FBXW4: variants seen among roughly 807,000 people sequenced by gnomAD.
FBXW4 encodes the protein F-box and WD repeat domain containing 4.
FBXW4 carries 40 observed loss-of-function variants against 61.8 expected under a neutral mutation model. The observed-to-expected ratio is 0.65, with a 90% CI of 0.50 to 0.84. The LOEUF (loss-of-function observed/expected upper bound fraction) is 0.84, where lower values mean the gene tolerates loss of function less well. Ranked by LOEUF, FBXW4 falls within the 40% of genes least tolerant of loss-of-function variation. The pLI, the probability that FBXW4 is intolerant of heterozygous loss-of-function variation, is 0.00. For synonymous variants in FBXW4, 311 were observed against 313.8 expected, an observed-to-expected ratio of 0.99 and a Z score of 0.10; for missense variants, 672 against 753.8, an observed-to-expected ratio of 0.89 and a Z score of 1.27.
chr10:101,646,849 A>G (rs1467717518), intron 5 of FBXW4, among the ~76,000 whole-genome samples: 1 of 152,258 alleles, frequency 6.6e-6, no homozygotes, highest in East Asian at 1.9e-4. Flanking sequence ...GACTTAGATC[A>G]TAAATAGCCT....
Position 101,611,677 on chromosome 10 carries a change from T to A in FBXW4, c.1535A>T (p.Tyr512Phe), listed in dbSNP as rs776370078. The part of the protein sequence containing the change: ...GNHLLATGSS[Y>F]YGVVRLWDRR... ...GTCCCACAGCCGTACAACACCGTAGTAGGAGGAACCTGTGGCCAGCAGGTG... is the reference window on the plus strand; with the variant it reads ...GTCCCACAGCCGTACAACACCGTAGAAGGAGGAACCTGTGGCCAGCAGGTG... Residue 512 changes from tyrosine to phenylalanine, a missense_variant, in exon 8 of 9, where the codon TAC becomes TTC. Coordinates refer to ENST00000331272, the MANE Select transcript of FBXW4 (RefSeq NM_022039.4). This position sits in a 1 kb window ranked among gnomAD's most constrained non-coding sequence, Gnocchi z 4.9. 3.1e-6 allele frequency: 5 copies of A among 1,614,196 alleles called. No homozygotes were observed. In the Admixed American group the frequency reaches 6.7e-5, roughly 22 times the overall value.
chr10:101,682,011 AT>A (rs2064483076), intron 1 of FBXW4, among the ~76,000 whole-genome samples: 1 of 152,090 alleles, frequency 6.6e-6, no homozygotes, highest in Non-Finnish European at 1.5e-5. Flanking sequence ...TAAGGATAAT[AT>A]TTCACACAAT....
At chr10:101,685,557 T>C (rs1008291003) in intron 1 of FBXW4, among the ~76,000 whole-genome samples, 3 of 152,212 alleles carry the variant, frequency 2.0e-5, no homozygotes, top group African/African-American at 4.8e-5. Flanking sequence ...GAGGAACATA[T>C]ATGAACTTTA....
At chr10:101,668,055 T>C (rs1382616669) in intron 4 of FBXW4, 75 bp from the exon 5 acceptor site, 5 of 1,150,576 alleles carry the variant, frequency 4.3e-6, no homozygotes, top group Non-Finnish European at 5.3e-6. Flanking sequence ...CCGGGAGAGG[T>C]GACTGTTGGA....
Position 101,694,758 on chromosome 10 carries a change from C to G in FBXW4, c.348G>C (p.Glu116Asp), listed in dbSNP as rs191941567. 1.2e-4 allele frequency: 159 copies of G among 1,357,490 alleles called. 4 individuals are homozygous for G. In the Admixed American group the frequency reaches 6.0e-3, roughly 52 times the overall value. The allele number at this position is 1,357,490 out of a possible 1,614,324, so 84.1% of individuals were successfully genotyped here. Residue 116 changes from glutamate (E) to aspartate (D), a missense_variant, in exon 1 of 9, where the codon GAG (glutamate) becomes GAC (aspartate). By Grantham distance (45) the Glu-to-Asp change is conservative. Around this residue, in one of 5 missense-constraint regions of FBXW4, gnomAD observed 311 missense variants for 301.1 expected, o/e 1.03. Coordinates refer to ENST00000331272, the MANE Select transcript of FBXW4 (RefSeq NM_022039.4). This position sits in a 1 kb window ranked among gnomAD's most constrained non-coding sequence, Gnocchi z 6.0. Reference protein sequence around the residue: ...AGAGKEAQGREYGKKEEWRVR... With the variant: ...AGAGKEAQGRDYGKKEEWRVR... Reference sequence around the variant, plus strand: ...CCCTCCATTCCTCCTTCTTCCCATACTCTCTTCCTTGTGCCTCCTTCCCGG... The same window carrying G: ...CCCTCCATTCCTCCTTCTTCCCATAGTCTCTTCCTTGTGCCTCCTTCCCGG...
At chr10:101,650,186 G>A (rs2064134404) in intron 5 of FBXW4, among the ~76,000 whole-genome samples, 2 of 152,296 alleles carry the variant, frequency 1.3e-5, no homozygotes, top group Non-Finnish European at 2.9e-5. Context: ...TTGGTCCTTG[G>A]TGGCTCTACC....
chr10:101,692,390 T>G (rs2064615609), intron 1 of FBXW4, among the ~76,000 whole-genome samples: 1 of 151,774 alleles, frequency 6.6e-6, no homozygotes, highest in Non-Finnish European at 1.5e-5. Context: ...TTAACAAAGT[T>G]GTAGACAACA....
chr10:101,682,710 T>TCATAGCAC (rs2064490879), intron 1 of FBXW4, among the ~76,000 whole-genome samples: 1 of 152,154 alleles, frequency 6.6e-6, no homozygotes, highest in South Asian at 2.1e-4. Flanking sequence ...GAGGGTTTGA[T>TCATAGCAC]CATAGCACCA....
chr10:101,653,538 C>T (rs1361894961), intron 5 of FBXW4, among the ~76,000 whole-genome samples: 1 of 152,180 alleles, frequency 6.6e-6, no homozygotes, highest in East Asian at 1.9e-4. Context: ...TTGAAGTTCC[C>T]TTATGCAATT....
chr10:101,651,972 C>T (rs1288464982), intron 5 of FBXW4, among the ~76,000 whole-genome samples: 1 of 152,056 alleles, frequency 6.6e-6, no homozygotes, highest in Non-Finnish European at 1.5e-5. Flanking sequence ...TTGACCTGCA[C>T]CTAATCAAAG....
chr10:101,651,018 G>A (rs2064141297), intron 5 of FBXW4, among the ~76,000 whole-genome samples: 1 of 152,216 alleles, frequency 6.6e-6, no homozygotes, highest in African/African-American at 2.4e-5. Flanking sequence ...TTTTCACGGG[G>A]AAGATGCCTC....
intron 6 of FBXW4, among the ~76,000 whole-genome samples, chr10:101,616,683 G>A (rs1452459610): frequency 1.3e-5 from 2 of 152,232 alleles, no homozygotes; most frequent in Non-Finnish European, 2.9e-5. Context: ...TGTTTTGGCG[G>A]CAGCTGGCAA....
intron 5 of FBXW4, among the ~76,000 whole-genome samples, chr10:101,629,018 G>A (rs1220097423): frequency 1.3e-5 from 2 of 152,206 alleles, no homozygotes; most frequent in Non-Finnish European, 2.9e-5. Flanking sequence ...CTCACCAGAG[G>A]AAGATGCCAG....
At chr10:101,625,708 G>A (rs988603102) in intron 5 of FBXW4, 1 of 152,296 alleles carries the variant, frequency 6.6e-6, no homozygotes, top group African/African-American at 2.4e-5. Context: ...TGGTAGGGTG[G>A]AGAGGGGAAG....
chr10:101,645,331 T>C (rs755456772), intron 5 of FBXW4, among the ~76,000 whole-genome samples: 3 of 152,304 alleles, frequency 2.0e-5, no homozygotes, highest in Admixed American at 6.5e-5. Flanking sequence ...GAGAGGCCCA[T>C]GAAGATTCAT....
chr10:101,687,678 A>G (rs901890203), intron 1 of FBXW4, among the ~76,000 whole-genome samples: 2 of 152,132 alleles, frequency 1.3e-5, no homozygotes, highest in African/African-American at 4.8e-5. Context: ...TCCCAATACC[A>G]CACACTTCAT....
chr10:101,642,238 C>T (rs2064059534), intron 5 of FBXW4, among the ~76,000 whole-genome samples: 1 of 151,958 alleles, frequency 6.6e-6, no homozygotes, highest in Non-Finnish European at 1.5e-5. Context: ...AATATATACA[C>T]ATTTAAAAAT....
chr10:101,686,885 A>C (rs939519320), intron 1 of FBXW4, among the ~76,000 whole-genome samples: 1 of 151,906 alleles, frequency 6.6e-6, no homozygotes, highest in Non-Finnish European at 1.5e-5. Context: ...TTAGCAACTC[A>C]CTTCTGGAGG....
intron 1 of FBXW4, among the ~76,000 whole-genome samples, chr10:101,678,111 A>G (rs959605818): frequency 6.6e-6 from 1 of 152,188 alleles, no homozygotes; most frequent in Non-Finnish European, 1.5e-5. Flanking sequence ...GCGAGTGTCA[A>G]TAGTACTTTC....
Sources: gnomAD v4.1 joint callset for allele counts (sites outside exome capture counted in the v4.1 genomes callset) on GRCh38, gnomAD v4.1.1 for gene constraint, gnomAD v4.1.1 regional missense constraint, Gnocchi (gnomAD v3.1) non-coding constraint, MANE v1.5 for transcripts, NCBI Gene and HGNC (gene_info 2026-07-23, HGNC 2026-07-21) for gene names.